Variants in CNTNAP2 observed in about 807,000 individuals in gnomAD.
CNTNAP2 encodes the protein contactin associated protein 2.
CNTNAP2 carries 98 observed loss-of-function variants against 155.2 expected under a neutral mutation model. That is an observed-to-expected ratio of 0.63 (90% CI 0.54 to 0.75). The LOEUF (loss-of-function observed/expected upper bound fraction) is 0.75, where lower values mean the gene tolerates loss of function less well. Ranked by LOEUF, CNTNAP2 falls within the 30% of genes least tolerant of loss-of-function variation. CNTNAP2 has a pLI of 0.00. For synonymous variants in CNTNAP2, 651 were observed against 631.2 expected, an observed-to-expected ratio of 1.03 and a Z score of -0.47; for missense variants, 1,727 against 1,688.1, an observed-to-expected ratio of 1.02 and a Z score of -0.40.
intron 1 of CNTNAP2, among the ~76,000 whole-genome samples, chr7:146,708,883 T>G (rs1004210389): frequency 6.6e-6 from 1 of 151,874 alleles, no homozygotes; most frequent in Non-Finnish European, 1.5e-5. Flanking sequence ...CCACTGCGCC[T>G]GGCCAAAAAA....
intron 1 of CNTNAP2, among the ~76,000 whole-genome samples, chr7:146,312,566 C>T (rs1218577044): frequency 6.6e-6 from 1 of 152,184 alleles, no homozygotes; most frequent in Non-Finnish European, 1.5e-5. Context: ...CAATTTATCA[C>T]TTTTCTGTGG....
chr7:147,951,211 T>A (rs1166729670), intron 14 of CNTNAP2, among the ~76,000 whole-genome samples: 1 of 152,114 alleles, frequency 6.6e-6, no homozygotes, highest in African/African-American at 2.4e-5. Context: ...TGGAGCCCAG[T>A]AAATAGAGAG....
At chr7:148,253,055 T>TGA (rs1554408058) in intron 20 of CNTNAP2, among the ~76,000 whole-genome samples, 61 of 138,692 alleles carry the variant, frequency 4.4e-4, no homozygotes, top group Non-Finnish European at 7.5e-4. Flanking sequence ...GATAGACAGA[T>TGA]GATAGATAGA....
chr7:147,838,384 C>G (rs1798666865), intron 13 of CNTNAP2, among the ~76,000 whole-genome samples: 1 of 151,866 alleles, frequency 6.6e-6, no homozygotes, highest in African/African-American at 2.4e-5. Context: ...GCTTGAATAT[C>G]TCCTCAGAAA....
intron 9 of CNTNAP2, among the ~76,000 whole-genome samples, chr7:147,362,370 A>T (rs1211647354): frequency 6.6e-6 from 1 of 152,162 alleles, no homozygotes; most frequent in Admixed American, 6.6e-5. Context: ...CCTGAGCCCA[A>T]GAGATCCTCC....
chr7:146,279,079 A>G (rs1414698092), intron 1 of CNTNAP2, among the ~76,000 whole-genome samples: 1 of 152,148 alleles, frequency 6.6e-6, no homozygotes, highest in Non-Finnish European at 1.5e-5. Flanking sequence ...CTGTCTCAAA[A>G]ACAATACTTT....
At chr7:146,324,569 T>C (rs1801064468) in intron 1 of CNTNAP2, among the ~76,000 whole-genome samples, 1 of 152,188 alleles carries the variant, frequency 6.6e-6, no homozygotes, top group Non-Finnish European at 1.5e-5. Context: ...CAGTATTACA[T>C]TGATTCCTGA....
At chr7:146,124,703 A>G (rs1420663667) in intron 1 of CNTNAP2, among the ~76,000 whole-genome samples, 5 of 152,348 alleles carry the variant, frequency 3.3e-5, no homozygotes, top group African/African-American at 1.2e-4. Context: ...AGGTTTTCAG[A>G]TTATGAAACT....
intron 3 of CNTNAP2, among the ~76,000 whole-genome samples, chr7:146,939,650 C>A (rs563271346): frequency 7.9e-5 from 12 of 152,124 alleles, no homozygotes; most frequent in Admixed American, 3.9e-4. Context: ...CATTCTTAAC[C>A]CATCAGTTTT....
chr7:147,363,433 T>A (rs923206855), intron 9 of CNTNAP2, among the ~76,000 whole-genome samples: 1 of 152,224 alleles, frequency 6.6e-6, no homozygotes, highest in Non-Finnish European at 1.5e-5. Flanking sequence ...GTGACTGTTA[T>A]TTGTCACCCC....
At chr7:146,353,734 G>C (rs1285369667) in intron 1 of CNTNAP2, among the ~76,000 whole-genome samples, 1 of 152,024 alleles carries the variant, frequency 6.6e-6, no homozygotes, top group Non-Finnish European at 1.5e-5. Context: ...GACAAAGGTA[G>C]TAGCAGCACT....
rs137937449 is a variant in CNTNAP2, at chr7:147,654,890, T to C, written c.2098+15584T>C. Reference sequence around the variant, plus strand: ...GTGCAGTGGTGTGATCTTGGCTCACTGCTGCAACCTCCACCTCCCAGGATC... The same window carrying C: ...GTGCAGTGGTGTGATCTTGGCTCACCGCTGCAACCTCCACCTCCCAGGATC... On this transcript the variant is annotated intron_variant, in intron 13 of 23. Transcript: ENST00000361727. Among the ~76,000 whole-genome samples the C allele has an allele frequency of 4.3e-3, 609 of 143,236 alleles. 7 individuals carry two copies. Among genetic ancestry groups the C allele is most frequent in the African/African-American group, 0.014 (553 of 38,256 alleles). 94.0% of individuals were successfully genotyped at this position (143,236 alleles called of 152,430 possible).
chr7:147,731,168 T>C (rs1006900312), intron 13 of CNTNAP2, among the ~76,000 whole-genome samples: 16 of 152,282 alleles, frequency 1.1e-4, no homozygotes, highest in Middle Eastern at 3.4e-3. Context: ...GCTAACGTAA[T>C]TGATGAAGGC....
rs755855543 is a variant in CNTNAP2 at position 146,555,504 on chromosome 7, A to G, written c.98-218767A>G. ...CTCTGTATCATCTGTCTGTCTATCT[A>G]TCTATCTATCTATCTATCTATCTAT... On this transcript the variant is annotated intron_variant, in intron 1 of 23. Transcript: ENST00000361727. 2.0e-5 allele frequency among the ~76,000 whole-genome samples: 2 copies of G among 102,298 alleles called. 1 individual carries two copies. The highest frequency in any genetic ancestry group is 6.3e-5 in the African/African-American group (2 of 31,678). The allele number at this position is 102,298 out of a possible 152,430, so 67.1% of individuals were successfully genotyped here.
rs539090955 is a variant in CNTNAP2 at position 148,320,712 on chromosome 7, C to A, written c.3475+53586C>A. ...AAAGAATTTTTAGGTTCCCACTATTCCACCCCACCTGTGCTAGACCCTGTG... is the reference window on the plus strand; with the variant it reads ...AAAGAATTTTTAGGTTCCCACTATTACACCCCACCTGTGCTAGACCCTGTG... On this transcript the variant is annotated intron_variant, in intron 21 of 23. Coordinates refer to ENST00000361727, the MANE Select transcript of CNTNAP2 (RefSeq NM_014141.6). 1.2e-4 allele frequency among the ~76,000 whole-genome samples: 19 copies of A among 152,204 alleles called. 1 individual carries two copies. In the South Asian group the frequency reaches 3.7e-3, roughly 30 times the overall value.
intron 8 of CNTNAP2, chr7:147,146,138 C>A (rs2129288391): frequency 6.6e-6 from 1 of 152,264 alleles, no homozygotes; most frequent in South Asian, 2.1e-4. Context: ...AATTATATTA[C>A]AGCATGAGAA....
intron 8 of CNTNAP2, among the ~76,000 whole-genome samples, chr7:147,166,415 A>G (rs1022139382): frequency 1.3e-5 from 2 of 152,126 alleles, no homozygotes; most frequent in Non-Finnish European, 2.9e-5. Context: ...CGGGTGAGGG[A>G]TCAAAGACTA....
At chr7:147,416,289 T>A (rs1205881155) in intron 10 of CNTNAP2, among the ~76,000 whole-genome samples, 1 of 152,202 alleles carries the variant, frequency 6.6e-6, no homozygotes, top group African/African-American at 2.4e-5. Flanking sequence ...TGCGTGATCA[T>A]GAGCAGCTTG....
intron 3 of CNTNAP2, among the ~76,000 whole-genome samples, chr7:146,895,942 T>C (rs1795869174): frequency 3.9e-5 from 6 of 152,156 alleles, no homozygotes; most frequent in South Asian, 2.1e-4. Context: ...TTATAAAATA[T>C]TGCATTTTCT....
Sources: allele counts gnomAD v4.1 joint callset (sites outside exome capture counted in the v4.1 genomes callset), GRCh38; gene constraint gnomAD v4.1.1; transcripts MANE v1.5; gene names NCBI Gene and HGNC (gene_info 2026-07-23, HGNC 2026-07-21).